The following SHANK2 variants were observed in gnomAD, a reference collection of about 807,000 sequenced individuals.
SHANK2 encodes SH3 and multiple ankyrin repeat domains protein 2.
A neutral mutation model predicts 133.7 loss-of-function variants in SHANK2; 43 were observed. The ratio of observed to expected loss-of-function variants is 0.32; its 90% CI spans 0.25 to 0.41. The LOEUF (loss-of-function observed/expected upper bound fraction) is 0.41, where lower values mean the gene tolerates loss of function less well. SHANK2 is among the 10% of genes least tolerant of loss of function. SHANK2 has a pLI of 1.00. For missense variants in SHANK2, 1,994 were observed against 2,235.8 expected, an observed-to-expected ratio of 0.89 and a Z score of 2.18; for synonymous variants, 1,017 against 952.8, an observed-to-expected ratio of 1.07 and a Z score of -1.24.
intron 2 of SHANK2, among the ~76,000 whole-genome samples, chr11:71,174,311 G>T (rs1220853841): frequency 6.6e-6 from 1 of 152,080 alleles, no homozygotes; most frequent in Non-Finnish European, 1.5e-5. Context: ...AGGCTGAGGC[G>T]GGAGGATCAT....
intron 25 of SHANK2, among the ~76,000 whole-genome samples, chr11:70,482,189 T>C (rs902725132): frequency 2.0e-5 from 3 of 152,224 alleles, no homozygotes; most frequent in Non-Finnish European, 2.9e-5. Context: ...CTAGTCCAAC[T>C]CTGAGTGTAA....
chr11:70,573,148 G>A (rs574635404), intron 17 of SHANK2, among the ~76,000 whole-genome samples: 2 of 151,882 alleles, frequency 1.3e-5, no homozygotes, highest in East Asian at 1.9e-4. Context: ...AGCTTCAGTC[G>A]CGTGACTCCA....
intron 17 of SHANK2, among the ~76,000 whole-genome samples, chr11:70,542,837 C>G (rs2059639662): frequency 6.6e-6 from 1 of 152,186 alleles, no homozygotes; most frequent in African/African-American, 2.4e-5. Flanking sequence ...ACCATAGCCT[C>G]AGTTTCCCCA....
intron 17 of SHANK2, among the ~76,000 whole-genome samples, chr11:70,546,557 T>C (rs1554976458): frequency 2.0e-5 from 3 of 152,198 alleles, no homozygotes; most frequent in Non-Finnish European, 4.4e-5. Flanking sequence ...CCTTGCCTCA[T>C]TGGTCAGTCT....
At chr11:70,815,704 G>A (rs1170253238) in intron 12 of SHANK2, among the ~76,000 whole-genome samples, 1 of 152,182 alleles carries the variant, frequency 6.6e-6, no homozygotes, top group Non-Finnish European at 1.5e-5. Context: ...TGGGTTGCTT[G>A]GTGCCAGCAG....
At chr11:70,770,541 G>C (rs1195799299) in intron 14 of SHANK2, among the ~76,000 whole-genome samples, 1 of 152,250 alleles carries the variant, frequency 6.6e-6, no homozygotes, top group Non-Finnish European at 1.5e-5. Flanking sequence ...GTGATGGCTG[G>C]GAAGTTACTT....
intron 2 of SHANK2, among the ~76,000 whole-genome samples, chr11:71,177,627 AAG>A (rs1331827893): frequency 6.6e-6 from 1 of 152,236 alleles, no homozygotes; most frequent in Non-Finnish European, 1.5e-5. Context: ...ATGTAACAAA[AAG>A]AAAATAAATA....
At position 71,162,798 on chromosome 11, in the gene SHANK2, C is replaced by T. The variant is rs140884612; in HGVS notation, c.-12-15460G>A. 6.0e-4 allele frequency among the ~76,000 whole-genome samples: 91 copies of T among 151,954 alleles called. 1 individual carries two copies. Among genetic ancestry groups the T allele is most frequent in the African/African-American group, 2.1e-3 (85 of 41,430 alleles). ...AAAATAAATAAATATATAGTCTGGG[C>T]GTGGTGGCTCACGCCTGTTATCCCA... On this transcript the variant is annotated intron_variant, in intron 2 of 25. Coordinates refer to ENST00000601538, the MANE Select transcript of SHANK2 (RefSeq NM_012309.5).
chr11:70,490,199 T>A (rs1331037950), intron 23 of SHANK2, 77 bp downstream of exon 23: 6 of 1,262,280 alleles, frequency 4.8e-6, no homozygotes, highest in Non-Finnish European at 6.9e-6. Flanking sequence ...GGCCCAGGGC[T>A]CAGAATTCCT....
chr11:70,644,576 C>T (rs1697306911), intron 17 of SHANK2, among the ~76,000 whole-genome samples: 1 of 152,238 alleles, frequency 6.6e-6, no homozygotes, highest in African/African-American at 2.4e-5. Context: ...AGCAGCCCTC[C>T]CGCATGGCAG....
intron 17 of SHANK2, among the ~76,000 whole-genome samples, chr11:70,529,907 A>G (rs2059446193): frequency 6.6e-6 from 1 of 152,190 alleles, no homozygotes; most frequent in South Asian, 2.1e-4. Flanking sequence ...CATTGCACAG[A>G]CAGACCACAG....
At chr11:71,078,597 G>A (rs995618993) in intron 8 of SHANK2, among the ~76,000 whole-genome samples, 30 of 152,298 alleles carry the variant, frequency 2.0e-4, no homozygotes, top group African/African-American at 7.0e-4. Context: ...CTCAGACACC[G>A]GACCAAACTG....
intron 10 of SHANK2, chr11:70,910,999 C>T (rs1303664679): frequency 2.2e-6 from 1 of 456,944 alleles, no homozygotes; most frequent in Non-Finnish European, 4.4e-6. Context: ...CTCTAAACAC[C>T]TCAGCATTTG....
rs61610592 is a variant in SHANK2 at position 70,815,175 on chromosome 11, AACACACACACACACACACAC to A, written c.1493+5169_1493+5188del. Among the ~76,000 whole-genome samples the A allele has an allele frequency of 6.6e-3, 793 of 119,712 alleles. 3 individuals carry two copies. Among genetic ancestry groups the A allele is most frequent in the African/African-American group, 8.9e-3 (289 of 32,344 alleles). The allele number at this position is 119,712 out of a possible 152,430, so 78.5% of individuals were successfully genotyped here. On this transcript the variant is annotated intron_variant, in intron 12 of 25. Coordinates refer to ENST00000601538, the MANE Select transcript of SHANK2 (RefSeq NM_012309.5). ...GCACCTTTAGGAGGATGGGAGAAGA[AACACACACACACACACACAC>A]ACACACACACACACACACACACACA...
At chr11:70,673,031 G>A (rs1438659984) in intron 15 of SHANK2, among the ~76,000 whole-genome samples, 1 of 152,244 alleles carries the variant, frequency 6.6e-6, no homozygotes, top group African/African-American at 2.4e-5. Context: ...AAGGAAGCCT[G>A]AGCTGGGACC....
At chr11:70,955,126 G>C (rs1340565933) in intron 10 of SHANK2, among the ~76,000 whole-genome samples, 1 of 152,130 alleles carries the variant, frequency 6.6e-6, no homozygotes, top group Non-Finnish European at 1.5e-5. Context: ...TATTAAAATG[G>C]AGCCATTCTG....
intron 17 of SHANK2, among the ~76,000 whole-genome samples, chr11:70,641,078 T>C (rs990294237): frequency 2.0e-5 from 3 of 151,132 alleles, no homozygotes; most frequent in Non-Finnish European, 4.4e-5. Context: ...TTCTTTACTA[T>C]GCTTTTTTTT....
chr11:70,875,155 A>G (rs1555070950), intron 11 of SHANK2, among the ~76,000 whole-genome samples: 1 of 152,140 alleles, frequency 6.6e-6, no homozygotes, highest in Non-Finnish European at 1.5e-5. Flanking sequence ...ACGGGGGGAC[A>G]TGGTGATCAT....
At chr11:71,163,093 A>AAAAAATATATATATATATATATATATAT in intron 2 of SHANK2, among the ~76,000 whole-genome samples, 2 of 84,678 alleles carry the variant, frequency 2.4e-5, no homozygotes, top group South Asian at 6.0e-4. Flanking sequence ...AAAAAAAAAA[A>AAAAAATATATATATATATATATATATAT]ATACATATAT....
Sources: allele counts gnomAD v4.1 joint callset (sites outside exome capture counted in the v4.1 genomes callset), GRCh38; gene constraint gnomAD v4.1.1; transcripts MANE v1.5; gene names NCBI Gene and HGNC (gene_info 2026-07-23, HGNC 2026-07-21).